COL6A3: variants seen among roughly 807,000 people sequenced by gnomAD.
COL6A3 encodes the protein collagen alpha-3(VI) chain.
In COL6A3, 137 loss-of-function variants were observed where a neutral mutation model predicts 274.1. That is an observed-to-expected ratio of 0.50 (90% CI 0.44 to 0.58). The LOEUF (loss-of-function observed/expected upper bound fraction) is 0.58, where lower values mean the gene tolerates loss of function less well. COL6A3 is among the 20% of genes least tolerant of loss of function. The probability of loss-of-function intolerance (pLI) is 0.00; values close to 1 mark genes in which losing one functional copy is unlikely to be tolerated. For synonymous variants in COL6A3, 1,650 were observed against 1,650.6 expected (o/e 1.00, Z 0.01); for missense variants, 3,950 against 4,124.9 (o/e 0.96, Z 1.16).
intron 1 of COL6A3, 53 bp from the exon 2 acceptor site, chr2:237,396,900 C>T (rs2078456133): frequency 1.7e-6 from 2 of 1,161,874 alleles, no homozygotes; most frequent in Non-Finnish European, 1.3e-6. Context: ...TCTCATTATG[C>T]AAAATCTCTC....
At chr2:237,391,247 G>T (rs1227807586) in intron 3 of COL6A3, among the ~76,000 whole-genome samples, 1 of 151,698 alleles carries the variant, frequency 6.6e-6, no homozygotes, top group Non-Finnish European at 1.5e-5. Context: ...AAAGACACAT[G>T]AATGGATTAA....
Position 237,340,627 on chromosome 2 carries a change from T to G in COL6A3, c.8289A>C (p.Lys2763Asn), listed in dbSNP as rs747588645. The G allele has an allele frequency of 1.2e-5, 19 of 1,614,080 alleles. No individual in the cohort carries two copies. In the African/African-American group the frequency reaches 2.5e-4, roughly 22 times the overall value. ...EEAQRVILQAKCKGYFFVVLG... is the reference protein window; with the variant it reads ...EEAQRVILQANCKGYFFVVLG... ...GGACCACGAAGAAGTAGCCCTTGCA[T>G]TTGGCCTGCAGGATGACTCTCTGGG... The change falls in exon 38 of 44, where the codon AAA (lysine) becomes AAC (asparagine). Residue 2763 changes from lysine (K) to asparagine (N), a missense_variant. Coordinates refer to ENST00000295550, the MANE Select transcript of COL6A3 (RefSeq NM_004369.4).
intron 1 of COL6A3, 113 bp from the exon 2 acceptor site, chr2:237,396,960 A>T (rs2078457638): frequency 1.4e-6 from 1 of 727,054 alleles, no homozygotes; most frequent in African/African-American, 1.8e-5. Flanking sequence ...AAGACTTTGT[A>T]TCTGATTCAT....
Position 237,334,806 on chromosome 2 carries a change from G to A in COL6A3, c.9049C>T (p.Pro3017Ser). Residue 3017 changes from proline to serine, a missense_variant, in exon 41 of 44, where the codon CCT becomes TCT. Pro to Ser is a moderately conservative substitution (Grantham distance 74). Coordinates refer to ENST00000295550, the MANE Select transcript of COL6A3 (RefSeq NM_004369.4). ...GTGACGGTGAGGTCATAAAAATAAG[G>A]ACCGGGGGGCTCAGCCCTCTCCCAG... ...LHWERAEPPG[P>S]YFYDLTVTSA... 1 of 1,614,162 alleles carries A rather than the reference G, an allele frequency of 6.2e-7. No individual in the cohort carries two copies. The highest frequency in any genetic ancestry group is 8.5e-7 in the Non-Finnish European group (1 of 1,180,042).
chr2:237,379,071 C>T lies in COL6A3; in HGVS notation c.2062G>A (p.Val688Ile). The T allele has an allele frequency of 6.2e-7, 1 of 1,614,174 alleles. No homozygotes were observed. The highest frequency in any genetic ancestry group is 2.2e-5 in the East Asian group (1 of 44,880). ...VGLVQFSDTP[V>I]TEFSLNTYQT... ...TATGTGTTTAAAGAGAACTCCGTTA[C>T]AGGAGTGTCACTAAATTGCACTAAA... is the stretch of plus-strand genomic sequence containing the variant. The change falls in exon 6 of 44, where the codon GTA (valine) becomes ATA (isoleucine). Residue 688 changes from valine to isoleucine, a missense_variant. Physicochemically the swap from Val to Ile is conservative, Grantham distance 29. Coordinates refer to ENST00000295550, the MANE Select transcript of COL6A3 (RefSeq NM_004369.4).
At chr2:237,342,502 G>C (rs2077008308) in intron 36 of COL6A3, 1 of 309,534 alleles carries the variant, frequency 3.2e-6, no homozygotes, top group Non-Finnish European at 6.2e-6. Flanking sequence ...CTGGCAAATA[G>C]TAGGAACTTA....
intron 42 of COL6A3, among the ~76,000 whole-genome samples, chr2:237,331,970 C>T (rs1299413432): frequency 6.8e-6 from 1 of 147,636 alleles, no homozygotes; most frequent in Non-Finnish European, 1.5e-5. Flanking sequence ...CTCTTTATCA[C>T]AGGTAGACAG....
At chr2:237,369,292 C>T in intron 9 of COL6A3, 115 bp from the exon 10 acceptor site, 5 of 1,399,294 alleles carry the variant, frequency 3.6e-6, no homozygotes, top group Non-Finnish European at 4.9e-6. Context: ...TCCCAAGATG[C>T]CTGTGTTGTT....
At chr2:237,375,595 T>A (rs188917209) in intron 7 of COL6A3, among the ~76,000 whole-genome samples, 20 of 152,242 alleles carry the variant, frequency 1.3e-4, no homozygotes, top group Non-Finnish European at 2.8e-4. Flanking sequence ...CAGGCTAGAG[T>A]GCAGTGGCGC....
chr2:237,413,488 C>T lies in COL6A3; in HGVS notation c.-31+465G>A, dbSNP rs900309712. Among the ~76,000 whole-genome samples, 1 of 152,212 alleles carries T rather than the reference C, an allele frequency of 6.6e-6. No homozygotes were observed. Among genetic ancestry groups the T allele is most frequent in the Non-Finnish European group, 1.5e-5 (1 of 68,042 alleles). Reference sequence around the variant, plus strand: ...GGCGGCCCTGGGCAGAAAACCCATGCAGGTTGTTGCACCCTGACCTAGTGT... The same window carrying T: ...GGCGGCCCTGGGCAGAAAACCCATGTAGGTTGTTGCACCCTGACCTAGTGT... On this transcript the variant is annotated intron_variant, in intron 1 of 43. Transcript: ENST00000295550. This position sits in a 1 kb window ranked among gnomAD's most constrained non-coding sequence, Gnocchi z 4.0.
chr2:237,331,834 T>G (rs2106307439), intron 42 of COL6A3, among the ~76,000 whole-genome samples: 2 of 151,314 alleles, frequency 1.3e-5, no homozygotes, highest in Admixed American at 1.3e-4. Flanking sequence ...TGAGAGGACA[T>G]TCACATCCTG....
chr2:237,366,052 C>T lies in COL6A3; in HGVS notation c.5501-17G>A, dbSNP rs200723656. On this transcript the variant is annotated splice_polypyrimidine_tract_variant and intron_variant, in intron 11 of 43. Coordinates refer to ENST00000295550, the MANE Select transcript of COL6A3 (RefSeq NM_004369.4). ...GATTACAAGCTGGAAAGGAGAAATG[C>T]AGGTGATGAGTTCTCAGCTGGGGCT... 91 of 1,609,900 alleles carry T rather than the reference C, an allele frequency of 5.7e-5. No individual in the cohort carries two copies. In the African/African-American group the frequency reaches 9.1e-4, roughly 16 times the overall value.
At chr2:237,383,696 G>C (rs2078070470) in intron 4 of COL6A3, among the ~76,000 whole-genome samples, 1 of 152,042 alleles carries the variant, frequency 6.6e-6, no homozygotes, top group Non-Finnish European at 1.5e-5. Context: ...CCTATACCAA[G>C]TGGCCCAGAT....
chr2:237,353,822 G>C (rs2077258251), intron 24 of COL6A3, among the ~76,000 whole-genome samples: 1 of 152,044 alleles, frequency 6.6e-6, no homozygotes, highest in African/African-American at 2.4e-5. Flanking sequence ...ATTTTCTCTA[G>C]ACTCTGCAGA....
chr2:237,398,213 T>A (rs57151190), intron 1 of COL6A3, among the ~76,000 whole-genome samples: 1,835 of 152,354 alleles, frequency 0.012, 44 homozygotes, highest in African/African-American at 0.041. Context: ...CACAGTGGAA[T>A]GAGCCTGGGG....
chr2:237,407,165 G>A lies in COL6A3; in HGVS notation c.-31+6788C>T, dbSNP rs2078741403. Among the ~76,000 whole-genome samples, 1 of 151,948 alleles carries A rather than the reference G, an allele frequency of 6.6e-6. No homozygotes were observed. ...GGGCTCAAGGGATCCTCCTGCCCTG[G>A]CCTCCCAATGTGCTGGGATTATAGG... On this transcript the variant is annotated intron_variant, in intron 1 of 43. Transcript: ENST00000295550. This position sits in a 1 kb window ranked among gnomAD's most constrained non-coding sequence, Gnocchi z 4.3.
intron 28 of COL6A3, among the ~76,000 whole-genome samples, chr2:237,349,930 GTC>G (rs1328710358): frequency 6.6e-6 from 1 of 152,122 alleles, no homozygotes. Flanking sequence ...GGGAAAAAAT[GTC>G]TCTCCCCACG....
chr2:237,366,500 C>T (rs967770375), intron 11 of COL6A3, among the ~76,000 whole-genome samples, 187 bp downstream of exon 11: 8 of 152,180 alleles, frequency 5.3e-5, no homozygotes, highest in African/African-American at 1.9e-4. Context: ...GACTTCTACT[C>T]TTGTCTTGGA....
At chr2:237,335,477 T>A (rs1700490723) in intron 40 of COL6A3, among the ~76,000 whole-genome samples, 1 of 152,210 alleles carries the variant, frequency 6.6e-6, no homozygotes, top group East Asian at 1.9e-4. Flanking sequence ...TGGTGCAGAG[T>A]CATTGTGGTT....
Sources: gnomAD v4.1 joint callset for allele counts (sites outside exome capture counted in the v4.1 genomes callset) on GRCh38, gnomAD v4.1.1 for gene constraint, Gnocchi (gnomAD v3.1) non-coding constraint, MANE v1.5 for transcripts, NCBI Gene and HGNC (gene_info 2026-07-23, HGNC 2026-07-21) for gene names.